The following ADAMTS2 variants were observed in gnomAD, a reference collection of about 807,000 sequenced individuals.
ADAMTS2 encodes A disintegrin and metalloproteinase with thrombospondin motifs 2.
A neutral mutation model predicts 123.0 loss-of-function variants in ADAMTS2; 50 were observed. That is an observed-to-expected ratio of 0.41 (90% CI 0.32 to 0.51). ADAMTS2 has a LOEUF of 0.51. Among genes scored for constraint, ADAMTS2 ranks in the 20% least tolerant of loss-of-function variants. The pLI is 0.35. For synonymous variants in ADAMTS2, 678 were observed against 695.4 expected (o/e 0.98, Z 0.39); for missense variants, 1,494 against 1,705.2 (o/e 0.88, Z 2.18).
At chr5:179,323,266 G>C (rs1285155967) in intron 2 of ADAMTS2, among the ~76,000 whole-genome samples, 1 of 152,246 alleles carries the variant, frequency 6.6e-6, no homozygotes, top group Non-Finnish European at 1.5e-5. Flanking sequence ...GAAGGGAAAT[G>C]GCCTGGCAGA....
intron 4 of ADAMTS2, among the ~76,000 whole-genome samples, chr5:179,200,018 C>T (rs1764525018): frequency 6.6e-6 from 1 of 152,060 alleles, no homozygotes; most frequent in Non-Finnish European, 1.5e-5. Context: ...GCTTAATAGT[C>T]CCTTTGTATG....
rs1461277030 is a variant in ADAMTS2 at position 179,170,231 on chromosome 5, C to T, written c.975+10841G>A. ...AAACAAGTGCTACCAATTTTATCCC[C>T]ACTGGAGCCTGGTGAGGCCTGGGGG... On this transcript the variant is annotated intron_variant, in intron 5 of 21. Transcript: ENST00000251582. This position sits in a 1 kb window ranked among gnomAD's most constrained non-coding sequence, Gnocchi z 4.3. 2.0e-5 allele frequency among the ~76,000 whole-genome samples: 3 copies of T among 152,112 alleles called. No individual in the cohort carries two copies. The highest frequency in any genetic ancestry group is 2.9e-5 in the Non-Finnish European group (2 of 68,020).
At chr5:179,149,238 G>A (rs1369835431) in intron 10 of ADAMTS2, among the ~76,000 whole-genome samples, 1 of 152,150 alleles carries the variant, frequency 6.6e-6, no homozygotes, top group Non-Finnish European at 1.5e-5. Context: ...CTCATGAGAA[G>A]AGACCTGAGA....
chr5:179,114,385 A>G, intron 21 of ADAMTS2, 61 bp from the exon 22 acceptor site: 1 of 1,515,816 alleles, frequency 6.6e-7, no homozygotes, highest in Non-Finnish European at 9.0e-7. Flanking sequence ...TTGTTCCCCC[A>G]CAGGGTGCAG....
At chr5:179,137,302 T>A (rs1763081574) in intron 12 of ADAMTS2, among the ~76,000 whole-genome samples, 1 of 152,224 alleles carries the variant, frequency 6.6e-6, no homozygotes, top group Admixed American at 6.5e-5. Flanking sequence ...ACCAGACTCC[T>A]CAGGTCCCTG....
At chr5:179,301,896 G>A (rs1426886917) in intron 2 of ADAMTS2, among the ~76,000 whole-genome samples, 2 of 152,224 alleles carry the variant, frequency 1.3e-5, no homozygotes, top group Admixed American at 6.5e-5. Flanking sequence ...CGCTCACAGC[G>A]TGCTGTGCCC....
At position 179,121,675 on chromosome 5, in the gene ADAMTS2, C is replaced by G; in HGVS notation, c.3164G>C (p.Arg1055Pro). 1 of 1,599,576 alleles carries G rather than the reference C, an allele frequency of 6.3e-7. No individual in the cohort carries two copies. The highest frequency in any genetic ancestry group is 8.5e-7 in the Non-Finnish European group (1 of 1,172,996). ...GGGTCGGTTACTTGACGAGATCTTC[C>G]GGATGGGCGAGTCGGGGTCCGGGCG... The part of the protein sequence containing the change: ...LSRPDPDSPI[R>P]KISSKGHCQG... Residue 1055 changes from arginine (R) to proline (P), a missense_variant, in exon 21 of 22, where the codon CGG becomes CCG. This residue lies in a region of ADAMTS2 where 953 missense variants were observed against 1,124.7 expected (regional missense o/e 0.85). Transcript: ENST00000251582.
intron 4 of ADAMTS2, among the ~76,000 whole-genome samples, chr5:179,183,127 T>C (rs1270903891): frequency 6.6e-6 from 1 of 152,082 alleles, no homozygotes; most frequent in Non-Finnish European, 1.5e-5. Context: ...GTCCTGGGGG[T>C]AGGGTATGCA....
chr5:179,129,421 T>C lies in ADAMTS2; in HGVS notation c.2457+511A>G, dbSNP rs1762921617. 6.6e-6 allele frequency among the ~76,000 whole-genome samples: 1 copy of C among 152,176 alleles called. No individual in the cohort carries two copies. On this transcript the variant is annotated intron_variant, in intron 16 of 21. Transcript: ENST00000251582. This position sits in a 1 kb window ranked among gnomAD's most constrained non-coding sequence, Gnocchi z 4.1. ...AAAATATATCCCTATGCAGTTAAAT[T>C]ACATTTTAAAAAGTGATCTGACCTC...
intron 3 of ADAMTS2, among the ~76,000 whole-genome samples, chr5:179,209,810 T>C (rs73329760): frequency 7.2e-5 from 11 of 152,314 alleles, no homozygotes; most frequent in African/African-American, 2.6e-4. Context: ...TGTACATTTA[T>C]TTCTTTGCAT....
intron 4 of ADAMTS2, among the ~76,000 whole-genome samples, chr5:179,191,911 G>A (rs898459375): frequency 6.6e-6 from 1 of 152,206 alleles, no homozygotes; most frequent in Admixed American, 6.5e-5. Context: ...AGCAGCTCCT[G>A]CTGGCGAGGG....
chr5:179,260,048 G>A lies in ADAMTS2; in HGVS notation c.688+12863C>T, dbSNP rs1261788292. On this transcript the variant is annotated intron_variant, in intron 3 of 21. Coordinates refer to ENST00000251582, the MANE Select transcript of ADAMTS2 (RefSeq NM_014244.5). The surrounding 1 kb of genome is among the most constrained non-coding windows in gnomAD (Gnocchi z 4.2). ...AGTGGGCATAGGGCCCTGCCGGATG[G>A]GTCACAAGCCGGCGAAGTCAGTCCT... is the stretch of plus-strand genomic sequence containing the variant. 6.6e-6 allele frequency among the ~76,000 whole-genome samples: 1 copy of A among 152,202 alleles called. No individual in the cohort carries two copies. Among genetic ancestry groups the A allele is most frequent in the Non-Finnish European group, 1.5e-5 (1 of 68,036 alleles).
chr5:179,237,574 G>A (rs768728649), intron 3 of ADAMTS2, among the ~76,000 whole-genome samples: 11 of 152,156 alleles, frequency 7.2e-5, no homozygotes, highest in South Asian at 2.1e-4. Flanking sequence ...GGATCCAGTC[G>A]CGTCAGTTAA....
At chr5:179,294,099 T>C (rs1377264650) in intron 2 of ADAMTS2, among the ~76,000 whole-genome samples, 1 of 151,902 alleles carries the variant, frequency 6.6e-6, no homozygotes, top group East Asian at 1.9e-4. Flanking sequence ...CTACAAATAA[T>C]TTAAAAATTA....
intron 3 of ADAMTS2, among the ~76,000 whole-genome samples, chr5:179,224,136 G>A (rs1581202705): frequency 6.6e-6 from 1 of 152,294 alleles, no homozygotes; most frequent in South Asian, 2.1e-4. Flanking sequence ...TTTCCTTCCT[G>A]GCCGTCATTT....
chr5:179,139,776 T>G, intron 11 of ADAMTS2, 114 bp downstream of exon 11: 1 of 1,501,464 alleles, frequency 6.7e-7, no homozygotes, highest in Admixed American at 1.7e-5. Context: ...GCCCTGCACC[T>G]CTCCAGAACT....
chr5:179,137,714 C>T (rs1581146882), intron 12 of ADAMTS2, 55 bp downstream of exon 12: 8 of 1,297,838 alleles, frequency 6.2e-6, no homozygotes, highest in South Asian at 5.0e-5. Flanking sequence ...CCCCACCCTG[C>T]CCACCCTAGG....
intron 2 of ADAMTS2, among the ~76,000 whole-genome samples, chr5:179,288,951 G>A (rs557426845): frequency 2.3e-4 from 35 of 152,304 alleles, no homozygotes; most frequent in South Asian, 2.3e-3. Flanking sequence ...GCACAGCCCC[G>A]CCCTCCGGCA....
Position 179,343,895 on chromosome 5 carries a change from T to G in ADAMTS2, c.406A>C (p.Thr136Pro). 6.2e-7 allele frequency: 1 copy of G among 1,603,700 alleles called. No individual in the cohort carries two copies. Residue 136 changes from threonine to proline, a missense_variant, in exon 2 of 22, where the codon ACT becomes CCT. Around this residue, in one of 6 missense-constraint regions of ADAMTS2, gnomAD observed 237 missense variants for 233.7 expected, o/e 1.01. Coordinates refer to ENST00000251582, the MANE Select transcript of ADAMTS2 (RefSeq NM_014244.5). ...CCCTTCTCGCCCTGCCACTCCATAG[T>G]GGCCCCGGGCGCCACGAGGCGGGCG... ...PNARLVAPGA[T>P]MEWQGEKGTT...
Sources: allele counts gnomAD v4.1 joint callset (sites outside exome capture counted in the v4.1 genomes callset), GRCh38; gene constraint gnomAD v4.1.1; regional missense constraint gnomAD v4.1.1; non-coding constraint Gnocchi (gnomAD v3.1); transcripts MANE v1.5; gene names NCBI Gene and HGNC (gene_info 2026-07-23, HGNC 2026-07-21).